MSI2: variants seen among roughly 807,000 people sequenced by gnomAD.
MSI2 encodes RNA-binding protein Musashi homolog 2.
In MSI2, 17 loss-of-function variants were observed where a neutral mutation model predicts 45.6. The observed-to-expected ratio is 0.37, with a 90% CI of 0.26 to 0.56. The LOEUF (loss-of-function observed/expected upper bound fraction) is 0.56. Among genes scored for constraint, MSI2 ranks in the 20% least tolerant of loss-of-function variants. MSI2 has a pLI of 0.77. For synonymous variants in MSI2, 156 were observed against 158.2 expected (o/e 0.99, Z 0.11); for missense variants, 293 against 444.2 (o/e 0.66, Z 3.06).
intron 7 of MSI2, among the ~76,000 whole-genome samples, chr17:57,582,200 GCA>G (rs1045235009): frequency 2.0e-5 from 3 of 152,108 alleles, no homozygotes; most frequent in Admixed American, 1.3e-4. Flanking sequence ...TGAATAAGAG[GCA>G]ACTTCAGAAC....
At position 57,373,877 on chromosome 17, in the gene MSI2, G is replaced by C. The variant is rs530115027; in HGVS notation, c.313-27502G>C. On this transcript the variant is annotated intron_variant, in intron 5 of 13. Transcript: ENST00000284073. ...TGCCAGGGGAAATAGTTAAAGTACA[G>C]AATATACTACTTTCCCTTTCATACC... 2.6e-4 allele frequency among the ~76,000 whole-genome samples: 39 copies of C among 152,300 alleles called. No homozygotes were observed. In the South Asian group the frequency reaches 7.2e-3, roughly 28 times the overall value.
rs186630676 is a variant in MSI2 at position 57,378,597 on chromosome 17, G to A, written c.313-22782G>A. Among the ~76,000 whole-genome samples the A allele has an allele frequency of 7.1e-3, 1,074 of 152,018 alleles. 15 individuals are homozygous for A. The highest frequency in any genetic ancestry group is 0.025 in the African/African-American group (1,044 of 41,480). Reference sequence around the variant, plus strand: ...TTTTTAGTAGAGGCAGGGTTTCTCCGTATTAGCCAGGCTGGTCTCAAACTC... The same window carrying A: ...TTTTTAGTAGAGGCAGGGTTTCTCCATATTAGCCAGGCTGGTCTCAAACTC... On this transcript the variant is annotated intron_variant, in intron 5 of 13. Coordinates refer to ENST00000284073, the MANE Select transcript of MSI2 (RefSeq NM_138962.4).
chr17:57,455,359 TG>T (rs561773344), intron 6 of MSI2, among the ~76,000 whole-genome samples: 2 of 152,076 alleles, frequency 1.3e-5, no homozygotes, highest in South Asian at 4.2e-4. Flanking sequence ...AGACTTGAAA[TG>T]GGGGGTTTGA....
chr17:57,414,407 G>C (rs1392617077), intron 6 of MSI2, among the ~76,000 whole-genome samples: 1 of 141,986 alleles, frequency 7.0e-6, no homozygotes, highest in Non-Finnish European at 1.5e-5. Context: ...TTTTTTTTTT[G>C]AGACAGAGTT....
intron 5 of MSI2, chr17:57,274,188 C>T (rs936364036): frequency 1.3e-5 from 2 of 152,232 alleles, no homozygotes; most frequent in Non-Finnish European, 2.9e-5. Flanking sequence ...GGATCCTACT[C>T]ACCCCCCATC....
chr17:57,504,997 TA>T (rs2086197051), intron 6 of MSI2, among the ~76,000 whole-genome samples: 1 of 144,886 alleles, frequency 6.9e-6, no homozygotes, highest in South Asian at 2.2e-4. Flanking sequence ...AAGGAAGAAA[TA>T]ATAGAATGGG....
chr17:57,285,447 ATT>A (rs1491297234), intron 5 of MSI2, among the ~76,000 whole-genome samples: 2 of 152,108 alleles, frequency 1.3e-5, no homozygotes, highest in Non-Finnish European at 2.9e-5. Flanking sequence ...GCGGTTTTCC[ATT>A]TTCACGGTGA....
At chr17:57,612,768 G>A (rs1006772274) in intron 8 of MSI2, among the ~76,000 whole-genome samples, 7 of 152,208 alleles carry the variant, frequency 4.6e-5, no homozygotes, top group African/African-American at 1.2e-4. Flanking sequence ...TGAGATTTCC[G>A]TTGATCGGGT....
intron 11 of MSI2, among the ~76,000 whole-genome samples, chr17:57,663,577 C>T (rs536066780): frequency 1.3e-5 from 2 of 152,128 alleles, no homozygotes; most frequent in Non-Finnish European, 1.5e-5. Flanking sequence ...AGTCCGGGTC[C>T]GTCACTGACT....
chr17:57,305,952 CTG>C (rs1229853685), intron 5 of MSI2, among the ~76,000 whole-genome samples: 1 of 152,172 alleles, frequency 6.6e-6, no homozygotes, highest in Non-Finnish European at 1.5e-5. Flanking sequence ...TAAGGTCTAA[CTG>C]TATTAAGGTC....
intron 7 of MSI2, among the ~76,000 whole-genome samples, chr17:57,540,992 A>AC (rs35417648): frequency 1.3e-5 from 2 of 151,780 alleles, no homozygotes; most frequent in African/African-American, 2.4e-5. Context: ...GCTAGTCACA[A>AC]CCCCCCTAAG....
chr17:57,361,450 A>T (rs9893204), intron 5 of MSI2, among the ~76,000 whole-genome samples: 2,491 of 151,976 alleles, frequency 0.016, 70 homozygotes, highest in African/African-American at 0.057. Flanking sequence ...AAATAAAAAA[A>T]AAAAAATTAG....
At chr17:57,481,365 C>A (rs1294738633) in intron 6 of MSI2, among the ~76,000 whole-genome samples, 4 of 152,194 alleles carry the variant, frequency 2.6e-5, no homozygotes, top group African/African-American at 9.6e-5. Flanking sequence ...ATTGTATTGT[C>A]TTCTCCATAA....
At chr17:57,567,805 C>T (rs752299171) in intron 7 of MSI2, among the ~76,000 whole-genome samples, 11 of 152,160 alleles carry the variant, frequency 7.2e-5, no homozygotes, top group Non-Finnish European at 1.6e-4. Flanking sequence ...ATCTCCTTGG[C>T]CTAGCAGGCT....
At chr17:57,370,372 A>G (rs2083402840) in intron 5 of MSI2, among the ~76,000 whole-genome samples, 1 of 152,212 alleles carries the variant, frequency 6.6e-6, no homozygotes, top group Admixed American at 6.5e-5. Context: ...AAATAGAAGA[A>G]ATGCCATTCT....
At chr17:57,427,232 A>G (rs1238431939) in intron 6 of MSI2, among the ~76,000 whole-genome samples, 1 of 151,448 alleles carries the variant, frequency 6.6e-6, no homozygotes, top group Non-Finnish European at 1.5e-5. Context: ...CCCTGTCTCT[A>G]ATAAAAATAC....
At chr17:57,271,039 A>G (rs1002519334) in intron 5 of MSI2, among the ~76,000 whole-genome samples, 2 of 152,272 alleles carry the variant, frequency 1.3e-5, no homozygotes, top group Middle Eastern at 3.4e-3. Flanking sequence ...CTCTGAGAGT[A>G]AAGTCCCGGG....
chr17:57,645,641 C>T (rs939010821), intron 10 of MSI2, among the ~76,000 whole-genome samples: 2 of 151,550 alleles, frequency 1.3e-5, no homozygotes, highest in African/African-American at 4.9e-5. Context: ...AGGGTTTCAC[C>T]AGGTTGGCCA....
At chr17:57,509,873 G>A (rs2086314333) in intron 6 of MSI2, among the ~76,000 whole-genome samples, 1 of 152,038 alleles carries the variant, frequency 6.6e-6, no homozygotes, top group African/African-American at 2.4e-5. Flanking sequence ...TTTACGATTA[G>A]TGTCATTCCT....
Sources: gnomAD v4.1 joint callset for allele counts (sites outside exome capture counted in the v4.1 genomes callset) on GRCh38, gnomAD v4.1.1 for gene constraint, MANE v1.5 for transcripts, NCBI Gene and HGNC (gene_info 2026-07-23, HGNC 2026-07-21) for gene names.